Variants in STK33 observed in about 807,000 individuals in gnomAD.
The protein encoded by STK33 is serine/threonine kinase 33, also known as serine/threonine-protein kinase 33.
STK33 carries 52 observed loss-of-function variants against 58.0 expected under a neutral mutation model. That is an observed-to-expected ratio of 0.90 (90% CI 0.72 to 1.13). The LOEUF is 1.13. Among genes scored for constraint, STK33 ranks in the 50% most tolerant of loss-of-function variants. STK33 has a pLI of 0.00. For synonymous variants in STK33, 215 were observed against 200.1 expected, an observed-to-expected ratio of 1.07 and a Z score of -0.63; for missense variants, 630 against 604.2, an observed-to-expected ratio of 1.04 and a Z score of -0.45.
In STK33 at chr11:8,407,081, C is replaced by T. The variant is rs952374738; in HGVS notation, c.1344+6414G>A. Among the ~76,000 whole-genome samples, 3 of 151,812 alleles carry T rather than the reference C, an allele frequency of 2.0e-5. No homozygotes were observed. In the South Asian group the frequency reaches 6.2e-4, roughly 32 times the overall value. ...TTTGAGTGTTGAATTTTATCAAATG[C>T]TTTTCCCAAAATCATTGAGATAATT... On this transcript the variant is annotated intron_variant, in intron 15 of 15. Transcript: ENST00000687296.
intron 1 of STK33, among the ~76,000 whole-genome samples, chr11:8,589,899 G>A (rs955200051): frequency 3.0e-4 from 45 of 152,148 alleles, no homozygotes; most frequent in African/African-American, 1.0e-3. Flanking sequence ...AATATCCAAG[G>A]ATAAATATTT....
chr11:8,581,645 G>GGAT (rs1051291307), intron 1 of STK33, among the ~76,000 whole-genome samples: 1 of 152,174 alleles, frequency 6.6e-6, no homozygotes, highest in African/African-American at 2.4e-5. Context: ...TGTCCATGAA[G>GGAT]GATGGGTCCA....
intron 15 of STK33, among the ~76,000 whole-genome samples, chr11:8,405,994 T>C (rs1336661520): frequency 6.6e-6 from 1 of 151,850 alleles, no homozygotes; most frequent in Non-Finnish European, 1.5e-5. Flanking sequence ...TACAAAAAAA[T>C]TAGCCGGGCA....
At chr11:8,499,251 A>G (rs1398214534) in intron 1 of STK33, among the ~76,000 whole-genome samples, 1 of 152,334 alleles carries the variant, frequency 6.6e-6, no homozygotes, top group East Asian at 1.9e-4. Flanking sequence ...ACCCCATCAA[A>G]AAGTGGGCAA....
intron 15 of STK33, among the ~76,000 whole-genome samples, chr11:8,403,426 A>C (rs896877094): frequency 3.3e-5 from 5 of 152,332 alleles, no homozygotes; most frequent in African/African-American, 1.2e-4. Context: ...CTTCAATCTA[A>C]AAGGTAAAGA....
rs369900447 is a variant in STK33, at chr11:8,490,847, A to G, written c.-465-10233T>C. On this transcript the variant is annotated intron_variant, in intron 1 of 15. Coordinates refer to ENST00000687296, the MANE Select transcript of STK33 (RefSeq NM_001352389.2). ...ACTCCAACACACCTGCAGCTAAGGG[A>G]TCTGACTGTTAAAAGGAAAACCAAC... Among the ~76,000 whole-genome samples the G allele has an allele frequency of 1.9e-3, 295 of 152,314 alleles. 2 individuals are homozygous for G. Among genetic ancestry groups the G allele is most frequent in the African/African-American group, 6.7e-3 (280 of 41,570 alleles).
At chr11:8,458,818 T>C (rs1947182130) in intron 8 of STK33, among the ~76,000 whole-genome samples, 1 of 152,238 alleles carries the variant, frequency 6.6e-6, no homozygotes, top group African/African-American at 2.4e-5. Context: ...TTTGTTGTTT[T>C]TAAGATCTTG....
intron 1 of STK33, among the ~76,000 whole-genome samples, chr11:8,496,731 C>T (rs190983535): frequency 6.6e-6 from 1 of 151,950 alleles, no homozygotes; most frequent in Non-Finnish European, 1.5e-5. Flanking sequence ...CCCACCACCA[C>T]GCCCGGCTAA....
chr11:8,396,569 T>C (rs938568205), intron 15 of STK33, among the ~76,000 whole-genome samples: 1 of 152,174 alleles, frequency 6.6e-6, no homozygotes, highest in Non-Finnish European at 1.5e-5. Context: ...AGATGGGTGA[T>C]TTCTGCATTT....
the STK33 span, among the ~76,000 whole-genome samples, chr11:8,353,910 T>C: frequency 5.3e-5 from 8 of 152,194 alleles, no homozygotes; most frequent in Admixed American, 2.0e-4. Flanking sequence ...CAGGGTGGGA[T>C]GAAGGTCTGG....
intron 15 of STK33, among the ~76,000 whole-genome samples, chr11:8,397,386 C>T (rs924666922): frequency 3.3e-5 from 5 of 152,206 alleles, no homozygotes; most frequent in Non-Finnish European, 5.9e-5. Flanking sequence ...CTCCAACAGA[C>T]CTGCAGGTGA....
At chr11:8,537,050 G>A (rs753470767) in intron 1 of STK33, among the ~76,000 whole-genome samples, 4 of 117,580 alleles carry the variant, frequency 3.4e-5, no homozygotes, top group African/African-American at 6.7e-5. Context: ...GCTCCATCTC[G>A]GGTCACTGCA....
intron 14 of STK33, among the ~76,000 whole-genome samples, chr11:8,423,719 A>G (rs112946153): frequency 8.9e-4 from 135 of 152,134 alleles, no homozygotes; most frequent in African/African-American, 3.2e-3. Context: ...GTCTACTAGA[A>G]TAAGCTTGTC....
chr11:8,416,819 G>C (rs1023381340), intron 14 of STK33, among the ~76,000 whole-genome samples: 1 of 152,098 alleles, frequency 6.6e-6, no homozygotes, highest in African/African-American at 2.4e-5. Context: ...GAAATTTTTA[G>C]CTCTTTGCCT....
intron 1 of STK33, among the ~76,000 whole-genome samples, chr11:8,509,599 T>C (rs1952144996): frequency 6.6e-6 from 1 of 152,190 alleles, no homozygotes; most frequent in Admixed American, 6.5e-5. Flanking sequence ...GAGATTGTGA[T>C]GCACCCACCA....
At chr11:8,369,643 G>C in the STK33 span, among the ~76,000 whole-genome samples, 5 of 152,174 alleles carry the variant, frequency 3.3e-5, no homozygotes, top group Non-Finnish European at 7.4e-5. Context: ...GGCCTGAGTG[G>C]GGTTCCAGAG....
At chr11:8,394,482 G>A (rs1487829615) in intron 15 of STK33, among the ~76,000 whole-genome samples, 2 of 152,072 alleles carry the variant, frequency 1.3e-5, no homozygotes, top group African/African-American at 4.8e-5. Context: ...ATATTCTATC[G>A]AGCAGGAATA....
the STK33 span, among the ~76,000 whole-genome samples, chr11:8,386,487 A>T: frequency 6.6e-6 from 1 of 152,236 alleles, no homozygotes; most frequent in Non-Finnish European, 1.5e-5. Context: ...CCAAAGTTCC[A>T]AAACAGCAAT....
At chr11:8,369,483 G>A in the STK33 span, among the ~76,000 whole-genome samples, 2 of 148,020 alleles carry the variant, frequency 1.4e-5, no homozygotes, top group Admixed American at 1.4e-4. Context: ...AGGGAGTCCT[G>A]CCTGATGAAG....
Sources: allele counts gnomAD v4.1 joint callset (sites outside exome capture counted in the v4.1 genomes callset), GRCh38; gene constraint gnomAD v4.1.1; transcripts MANE v1.5; gene names NCBI Gene and HGNC (gene_info 2026-07-23, HGNC 2026-07-21).